SNX9: variants seen among roughly 807,000 people sequenced by gnomAD.
SNX9 encodes the protein sorting nexin 9.
Under a neutral mutation model 89.4 loss-of-function variants are expected in SNX9, and 44 were observed. That is an observed-to-expected ratio of 0.49 (90% CI 0.39 to 0.63). SNX9 has a LOEUF of 0.63. Ranked by LOEUF, SNX9 falls within the 30% of genes least tolerant of loss-of-function variation. The pLI is 0.00. For missense variants in SNX9, 578 were observed against 736.1 expected (o/e 0.79, Z 2.49); for synonymous variants, 236 against 247.8 (o/e 0.95, Z 0.45).
intron 1 of SNX9, among the ~76,000 whole-genome samples, chr6:157,863,648 GA>G (rs1782192795): frequency 6.6e-6 from 1 of 152,192 alleles, no homozygotes; most frequent in Non-Finnish European, 1.5e-5. Context: ...AGACCACATG[GA>G]AAATAGATGG....
chr6:157,834,172 T>G (rs1298111554), intron 1 of SNX9, among the ~76,000 whole-genome samples: 35 of 121,024 alleles, frequency 2.9e-4, no homozygotes, highest in Non-Finnish European at 5.4e-4. Context: ...TTTTTTTTTT[T>G]TTTTTTTTTT....
intron 10 of SNX9, among the ~76,000 whole-genome samples, chr6:157,926,780 CAAAAAA>C (rs71027371): frequency 3.7e-3 from 224 of 60,734 alleles, no homozygotes; most frequent in African/African-American, 0.011. Flanking sequence ...GACTCTGTCT[CAAAAAA>C]AAAAAAAAAA....
At chr6:157,870,256 TCTCA>T (rs1304179746) in intron 2 of SNX9, among the ~76,000 whole-genome samples, 2 of 141,642 alleles carry the variant, frequency 1.4e-5, no homozygotes, top group Non-Finnish European at 3.0e-5. Flanking sequence ...TCACCTGCTC[TCTCA>T]CATCCCCACG....
At chr6:157,862,675 G>T (rs1782164812) in intron 1 of SNX9, among the ~76,000 whole-genome samples, 2 of 152,042 alleles carry the variant, frequency 1.3e-5, no homozygotes, top group Admixed American at 6.6e-5. Context: ...TTTATTGCCA[G>T]GGTTTTGTGA....
Position 157,928,678 on chromosome 6 carries a change from G to T in SNX9, c.1264G>T (p.Glu422Ter). ...GVKELLTVGQ[E>*]HWKRCTGPLP... ...GAAGGAGCTGCTGACGGTGGGGCAG[G>T]AGCACTGGAAGCGCTGCACGGGCCG... Residue 422 changes from glutamate to a stop codon, truncating the protein, a stop_gained, in exon 12 of 18, where the codon GAG becomes TAG. Coordinates refer to ENST00000392185, the MANE Select transcript of SNX9 (RefSeq NM_016224.5). LOFTEE classifies it high-confidence loss of function. The T allele has an allele frequency of 6.2e-7, 1 of 1,608,724 alleles. No individual in the cohort carries two copies. The highest frequency in any genetic ancestry group is 8.5e-7 in the Non-Finnish European group (1 of 1,177,814).
At chr6:157,825,087 A>T (rs1294153370) in intron 1 of SNX9, among the ~76,000 whole-genome samples, 1 of 152,124 alleles carries the variant, frequency 6.6e-6, no homozygotes, top group Non-Finnish European at 1.5e-5. Flanking sequence ...GTCTCTACTA[A>T]AAATACAGAA....
At chr6:157,906,496 T>TTCA (rs1783220018) in intron 7 of SNX9, among the ~76,000 whole-genome samples, 1 of 152,244 alleles carries the variant, frequency 6.6e-6, no homozygotes, top group African/African-American at 2.4e-5. Flanking sequence ...GTATTTTACA[T>TTCA]AGTTTTTCTG....
intron 1 of SNX9, among the ~76,000 whole-genome samples, chr6:157,826,237 G>C (rs532741179): frequency 6.6e-6 from 1 of 152,188 alleles, no homozygotes; most frequent in East Asian, 1.9e-4. Flanking sequence ...GCCGTCTCAC[G>C]CCTGTAATCC....
chr6:157,914,980 G>A (rs1783431629), intron 9 of SNX9, among the ~76,000 whole-genome samples: 1 of 152,064 alleles, frequency 6.6e-6, no homozygotes, highest in Non-Finnish European at 1.5e-5. Context: ...TGTGCAGTGT[G>A]GTAGAAGTAG....
rs151064442 is a variant in SNX9, at chr6:157,921,600, G to A, written c.1019G>A (p.Arg340His). The stretch of plus-strand genomic sequence containing the variant: ...CAGGCCTGGATGACCAGGATGTGTC[G>A]CCATCCAGTAATCTCAGAAAGTGAA... ...RLQAWMTRMC[R>H]HPVISESEVF... The change falls in exon 10 of 18, where the codon CGC (arginine) becomes CAC (histidine). Residue 340 changes from arginine (R) to histidine (H), a missense_variant. Arg to His is a conservative substitution (Grantham distance 29). This residue lies in a region of SNX9 where 348 missense variants were observed against 491.4 expected (regional missense o/e 0.71). Coordinates refer to ENST00000392185, the MANE Select transcript of SNX9 (RefSeq NM_016224.5). 2.2e-5 allele frequency: 36 copies of A among 1,613,818 alleles called. No individual in the cohort carries two copies. In the African/African-American group the frequency reaches 3.3e-4, roughly 15 times the overall value.
At chr6:157,926,979 G>A (rs984999187) in intron 10 of SNX9, 132 bp from the exon 11 acceptor site, 6 of 649,614 alleles carry the variant, frequency 9.2e-6, no homozygotes, top group Admixed American at 2.5e-5. Context: ...TGGTGCAGAG[G>A]GAGATAGAGT....
At chr6:157,898,752 G>A (rs1783031940) in intron 5 of SNX9, among the ~76,000 whole-genome samples, 1 of 152,194 alleles carries the variant, frequency 6.6e-6, no homozygotes, top group Admixed American at 6.5e-5. Flanking sequence ...TCCTCTGTAA[G>A]CACATTGGGC....
rs1192240214 is a variant in SNX9 at position 157,826,791 on chromosome 6, T to TTTTATATATAA, written c.12+3345_12+3346insTTTATATATAA. On this transcript the variant is annotated intron_variant, in intron 1 of 17. Transcript: ENST00000392185. Reference sequence around the variant, plus strand: ...TGATATATAAATATATTATATTATATATATATATTATATTTTATATATAAA... The same window carrying TTTTATATATAA: ...TGATATATAAATATATTATATTATATTTTATATATAAATATATATTATATTTTATATATAAA... Among the ~76,000 whole-genome samples the TTTTATATATAA allele has an allele frequency of 1.5e-3, 181 of 119,066 alleles. 41 individuals carry two copies. The highest frequency in any genetic ancestry group is 7.1e-3 in the African/African-American group (174 of 24,674). 78.1% of individuals were successfully genotyped at this position (119,066 alleles called of 152,430 possible).
At chr6:157,910,215 C>A (rs181881767) in intron 9 of SNX9, among the ~76,000 whole-genome samples, 190 bp downstream of exon 9, 41 of 152,298 alleles carry the variant, frequency 2.7e-4, no homozygotes, top group African/African-American at 9.4e-4. Context: ...GTTGCCTAAA[C>A]GTCTCACAAG....
intron 1 of SNX9, among the ~76,000 whole-genome samples, chr6:157,839,652 C>G (rs1488907481): frequency 6.6e-6 from 1 of 152,188 alleles, no homozygotes; most frequent in African/African-American, 2.4e-5. Flanking sequence ...GGGAAGCAGA[C>G]CTATAATATT....
chr6:157,904,744 A>G (rs1329903976), intron 6 of SNX9, among the ~76,000 whole-genome samples: 1 of 152,134 alleles, frequency 6.6e-6, no homozygotes, highest in Non-Finnish European at 1.5e-5. Flanking sequence ...TAATAAATAA[A>G]AGTGTTGCAG....
chr6:157,889,773 G>A (rs945862024), intron 4 of SNX9, among the ~76,000 whole-genome samples: 7 of 152,204 alleles, frequency 4.6e-5, no homozygotes, highest in South Asian at 2.1e-4. Context: ...TTCCTGCATA[G>A]CATAAGCTAA....
chr6:157,830,031 C>T (rs1258407201), intron 1 of SNX9, among the ~76,000 whole-genome samples: 1 of 152,136 alleles, frequency 6.6e-6, no homozygotes, highest in Non-Finnish European at 1.5e-5. Flanking sequence ...TACAAAAAGA[C>T]ATAAGGTTAT....
At position 157,928,602 on chromosome 6, in the gene SNX9, G is replaced by A. The variant is rs1479369791; in HGVS notation, c.1188G>A (p.Glu396=). The change falls in exon 12 of 18, where the codon GAG becomes GAA. Residue 396 remains glutamate (E), a synonymous_variant. Transcript: ENST00000392185. Reference sequence around the variant, plus strand: ...TGACGGCCGCCTTCACCCACAGAGAGCAGAAGTGCGAGGCTGTGGGGAAGT... The same window carrying A: ...TGACGGCCGCCTTCACCCACAGAGAACAGAAGTGCGAGGCTGTGGGGAAGT... The part of the protein sequence containing the change: ...EAPDLDLVEI[E]QKCEAVGKFT... 6.2e-7 allele frequency: 1 copy of A among 1,605,910 alleles called. No individual in the cohort carries two copies. The highest frequency in any genetic ancestry group is 2.3e-5 in the East Asian group (1 of 44,438).
Sources: allele counts gnomAD v4.1 joint callset (sites outside exome capture counted in the v4.1 genomes callset), GRCh38; gene constraint gnomAD v4.1.1; regional missense constraint gnomAD v4.1.1; transcripts MANE v1.5; gene names NCBI Gene and HGNC (gene_info 2026-07-23, HGNC 2026-07-21).